TSGA10: variants seen among roughly 807,000 people sequenced by gnomAD.
The protein encoded by TSGA10 is testis-specific gene 10 protein.
In TSGA10, 43 loss-of-function variants were observed where a neutral mutation model predicts 96.6. That is an observed-to-expected ratio of 0.44 (90% confidence interval 0.35 to 0.57). The LOEUF (loss-of-function observed/expected upper bound fraction) is 0.57. Among genes scored for constraint, TSGA10 ranks in the 20% least tolerant of loss-of-function variants. The pLI, the probability that TSGA10 is intolerant of heterozygous loss-of-function variation, is 0.01. For synonymous variants in TSGA10, 229 were observed against 269.9 expected, an observed-to-expected ratio of 0.85 and a Z score of 1.48; for missense variants, 703 against 834.4, an observed-to-expected ratio of 0.84 and a Z score of 1.94.
intron 10 of TSGA10, among the ~76,000 whole-genome samples, chr2:99,103,580 T>C (rs1404258679): frequency 1.3e-5 from 2 of 152,244 alleles, no homozygotes; most frequent in Non-Finnish European, 2.9e-5. Flanking sequence ...ACCCTTTTTC[T>C]AAGCAACTGC....
chr2:99,042,373 C>T (rs148754762), intron 16 of TSGA10, among the ~76,000 whole-genome samples: 16 of 152,204 alleles, frequency 1.1e-4, no homozygotes, highest in Admixed American at 9.8e-4. Context: ...GGGAAGAAAG[C>T]GCTGTAGACG....
At chr2:99,026,735 T>C (rs1356400790) in intron 17 of TSGA10, among the ~76,000 whole-genome samples, 4 of 152,170 alleles carry the variant, frequency 2.6e-5, no homozygotes, top group African/African-American at 9.7e-5. Context: ...AAGCAGCTCT[T>C]TTAAATATGT....
intron 1 of TSGA10, chr2:99,150,818 T>C: frequency 6.3e-7 from 1 of 1,589,998 alleles, no homozygotes; most frequent in Non-Finnish European, 8.5e-7. Flanking sequence ...GGACTAGAAA[T>C]GACAGATGTG....
At chr2:99,024,562 G>T (rs952124012) in intron 17 of TSGA10, among the ~76,000 whole-genome samples, 4 of 152,118 alleles carry the variant, frequency 2.6e-5, no homozygotes, top group Admixed American at 2.6e-4. Context: ...TGGATTCTTA[G>T]GATTTTCTAT....
At chr2:99,153,769 G>A (rs1283800235) in intron 1 of TSGA10, among the ~76,000 whole-genome samples, 1 of 152,214 alleles carries the variant, frequency 6.6e-6, no homozygotes, top group Non-Finnish European at 1.5e-5. Flanking sequence ...TAAAAGGTGT[G>A]ATAATAAAGA....
At chr2:99,025,842 CTTT>C (rs1240428022) in intron 17 of TSGA10, among the ~76,000 whole-genome samples, 4 of 152,060 alleles carry the variant, frequency 2.6e-5, no homozygotes, top group Non-Finnish European at 4.4e-5. Context: ...GTGATTTCTT[CTTT>C]GACTCACCAC....
At chr2:99,006,129 T>C (rs995276447) in intron 20 of TSGA10, among the ~76,000 whole-genome samples, 7 of 152,208 alleles carry the variant, frequency 4.6e-5, no homozygotes, top group African/African-American at 7.2e-5. Flanking sequence ...TTACACCTTA[T>C]ACAAAAATTA....
At chr2:99,005,253 A>G (rs2078354077) in intron 20 of TSGA10, among the ~76,000 whole-genome samples, 1 of 152,174 alleles carries the variant, frequency 6.6e-6, no homozygotes, top group South Asian at 2.1e-4. Context: ...GCCCTCTCTC[A>G]CCACTCTTAT....
intron 16 of TSGA10, among the ~76,000 whole-genome samples, chr2:99,046,564 G>T (rs763350461): frequency 6.6e-6 from 1 of 152,052 alleles, no homozygotes; most frequent in Non-Finnish European, 1.5e-5. Context: ...CTGGGACACA[G>T]CTAAAGCAGT....
intron 17 of TSGA10, 22 bp from the exon 18 acceptor site, chr2:99,020,504 T>A (rs773157888): frequency 6.5e-7 from 1 of 1,532,774 alleles, no homozygotes; most frequent in Non-Finnish European, 9.0e-7. Context: ...CAAGAAGATA[T>A]CTACACTTAT....
At chr2:99,033,005 C>T (rs747499373) in intron 17 of TSGA10, among the ~76,000 whole-genome samples, 4 of 152,200 alleles carry the variant, frequency 2.6e-5, no homozygotes, top group Admixed American at 6.5e-5. Flanking sequence ...CAGTTGCAGA[C>T]TACTCAAGTC....
At chr2:99,152,843 G>T (rs981929029) in intron 1 of TSGA10, among the ~76,000 whole-genome samples, 1 of 152,182 alleles carries the variant, frequency 6.6e-6, no homozygotes, top group African/African-American at 2.4e-5. Flanking sequence ...CAGGATCCCT[G>T]GGGGGAAAGA....
rs2104463671 is a variant in TSGA10, at chr2:99,064,962, AAT to A, written c.1379_1380del (p.Asp460ValfsTer7). 1.2e-6 allele frequency: 2 copies of A among 1,600,688 alleles called. No individual in the cohort carries two copies. Among genetic ancestry groups the A allele is most frequent in the Non-Finnish European group, 8.5e-7 (1 of 1,175,300 alleles). On this transcript the variant is annotated frameshift_variant, in exon 16 of 21. Transcript: ENST00000393483. LOFTEE classifies it high-confidence loss of function. The part of the protein sequence containing the change: ...AEGNRLKEKV[D>X]SLNREVEQHL... ...ACTTGCTCAACCTCTCTGTTGAGGGAATCTACTTTTTCTTTTAATCTGTTACC... is the reference window on the plus strand; with the variant it reads ...ACTTGCTCAACCTCTCTGTTGAGGGACTACTTTTTCTTTTAATCTGTTACC...
intron 16 of TSGA10, among the ~76,000 whole-genome samples, chr2:99,041,689 A>G (rs145226565): frequency 9.8e-5 from 15 of 152,342 alleles, no homozygotes; most frequent in Non-Finnish European, 4.4e-5. Flanking sequence ...ACTCAAAATG[A>G]TCAAAGACTT....
chr2:99,092,895 C>A (rs1330526573), intron 10 of TSGA10, among the ~76,000 whole-genome samples: 1 of 152,092 alleles, frequency 6.6e-6, no homozygotes, highest in Non-Finnish European at 1.5e-5. Flanking sequence ...TTCCCTAAAT[C>A]ATTCTATGAA....
chr2:99,104,577 C>A lies in TSGA10; in HGVS notation c.460-459G>T, dbSNP rs555762354. ...GCAATCTCCACCTCCCGGGTGCAAGCAATTCTCCTGTCTCAGCCTCCCAAG... is the reference window on the plus strand; with the variant it reads ...GCAATCTCCACCTCCCGGGTGCAAGAAATTCTCCTGTCTCAGCCTCCCAAG... On this transcript the variant is annotated intron_variant, in intron 9 of 20. Transcript: ENST00000393483. Among the ~76,000 whole-genome samples, 19 of 152,086 alleles carry A rather than the reference C, an allele frequency of 1.2e-4. No individual in the cohort carries two copies. The East Asian group carries it at 3.7e-3, about 29-fold the overall frequency.
chr2:99,093,697 G>T (rs946203849), intron 10 of TSGA10, among the ~76,000 whole-genome samples: 2 of 151,940 alleles, frequency 1.3e-5, no homozygotes, highest in Middle Eastern at 3.4e-3. Flanking sequence ...CCTAACCAAG[G>T]AGGTGAAAGA....
chr2:99,008,523 C>G (rs918908445), intron 20 of TSGA10, among the ~76,000 whole-genome samples: 1 of 152,164 alleles, frequency 6.6e-6, no homozygotes, highest in Non-Finnish European at 1.5e-5. Context: ...GGCACAAATT[C>G]AAAAGCTTGA....
intron 20 of TSGA10, among the ~76,000 whole-genome samples, chr2:99,001,008 G>C (rs1481227137): frequency 6.6e-6 from 1 of 152,218 alleles, no homozygotes; most frequent in Non-Finnish European, 1.5e-5. Context: ...AGCTCAATGA[G>C]GTCTGCCTAT....
Sources: gnomAD v4.1 joint callset for allele counts (sites outside exome capture counted in the v4.1 genomes callset) on GRCh38, gnomAD v4.1.1 for gene constraint, MANE v1.5 for transcripts, NCBI Gene and HGNC (gene_info 2026-07-23, HGNC 2026-07-21) for gene names.